Variants in CSPP1 observed in about 807,000 individuals in gnomAD.
CSPP1 encodes centrosome and spindle pole-associated protein 1.
Under a neutral mutation model 164.4 loss-of-function variants are expected in CSPP1, and 126 were observed. The observed-to-expected ratio is 0.77, with a 90% CI of 0.66 to 0.89. The LOEUF is 0.89. Ranked by LOEUF, CSPP1 falls within the 40% of genes least tolerant of loss-of-function variation. The pLI is 0.00. For missense variants in CSPP1, 1,395 were observed against 1,449.8 expected, an observed-to-expected ratio of 0.96 and a Z score of 0.61; for synonymous variants, 472 against 476.7, an observed-to-expected ratio of 0.99 and a Z score of 0.13.
intron 9 of CSPP1, among the ~76,000 whole-genome samples, chr8:67,111,651 T>G (rs946650240): frequency 2.0e-5 from 3 of 151,824 alleles, no homozygotes; most frequent in Admixed American, 2.0e-4. Context: ...GTAAGACTTA[T>G]GGAAGATATT....
chr8:67,190,062 CAATTTCATTTCTGGTTCTATA>C (rs1835792071), intron 28 of CSPP1, among the ~76,000 whole-genome samples: 3 of 152,160 alleles, frequency 2.0e-5, no homozygotes, highest in African/African-American at 7.2e-5. Flanking sequence ...TAATACCCAG[CAATTTCATTTCTGGTTCTATA>C]ACCCAAAGAA....
chr8:67,070,010 T>C (rs1260329615), intron 1 of CSPP1, among the ~76,000 whole-genome samples: 1 of 152,050 alleles, frequency 6.6e-6, no homozygotes, highest in Non-Finnish European at 1.5e-5. Flanking sequence ...TATAGCAAAA[T>C]ATATGCGTTA....
intron 19 of CSPP1, among the ~76,000 whole-genome samples, chr8:67,157,259 C>T (rs1379726448): frequency 6.6e-6 from 1 of 151,848 alleles, no homozygotes; most frequent in African/African-American, 2.4e-5. Flanking sequence ...GGAAAAAGCC[C>T]TAGTATATAA....
rs535211821 is a variant in CSPP1 at position 67,122,561 on chromosome 8, T to C, written c.1697+3740T>C. ...TTCCCAAATATCCTTCTGTTACTCA[T>C]GTCTAATATAATTACATTGCAGTAG... On this transcript the variant is annotated intron_variant, in intron 15 of 30. Transcript: ENST00000678616. Among the ~76,000 whole-genome samples the C allele has an allele frequency of 1.1e-4, 16 of 152,360 alleles. No individual in the cohort carries two copies. In the South Asian group the frequency reaches 3.3e-3, roughly 32 times the overall value.
chr8:67,064,664 G>T, intron 1 of CSPP1, 126 bp downstream of exon 1: 1 of 410,010 alleles, frequency 2.4e-6, no homozygotes, highest in South Asian at 3.0e-5. Flanking sequence ...CCGGCGACGT[G>T]CCAGAGTTAC....
chr8:67,094,083 G>A lies in CSPP1; in HGVS notation c.483+442G>A, dbSNP rs573522639. Among the ~76,000 whole-genome samples the A allele has an allele frequency of 5.6e-5, 6 of 108,054 alleles. No individual in the cohort carries two copies. In the East Asian group the frequency reaches 1.9e-3, roughly 35 times the overall value. The allele number at this position is 108,054 out of a possible 152,430, so 70.9% of individuals were successfully genotyped here. ...TGCAGTGAGCCAAGATTGCCTCACT[G>A]CACTCCAGCCTGGGTGACAGAGCGA... On this transcript the variant is annotated intron_variant, in intron 6 of 30. Coordinates refer to ENST00000678616, the MANE Select transcript of CSPP1 (RefSeq NM_001382391.1).
At position 67,113,827 on chromosome 8, in the gene CSPP1, G is replaced by GT; in HGVS notation, c.1212dup (p.Ala405CysfsTer9). Reference sequence around the variant, plus strand: ...TAGAGAAAAAGATTTAGAACTCAGGGTTGCAGCGTCTGGAGCACAAGACCC... The same window carrying GT: ...TAGAGAAAAAGATTTAGAACTCAGGGTTTGCAGCGTCTGGAGCACAAGACCC... On this transcript the variant is annotated frameshift_variant, in exon 11 of 31. Transcript: ENST00000678616. LOFTEE classifies it high-confidence loss of function. 1 of 1,589,046 alleles carries GT rather than the reference G, an allele frequency of 6.3e-7. No homozygotes were observed. The highest frequency in any genetic ancestry group is 1.3e-5 in the African/African-American group (1 of 74,326).
chr8:67,078,050 C>A (rs1044512979), intron 3 of CSPP1, among the ~76,000 whole-genome samples: 4 of 152,030 alleles, frequency 2.6e-5, no homozygotes, highest in Non-Finnish European at 4.4e-5. Flanking sequence ...TCCAGCCCTA[C>A]GTTTTTATGA....
chr8:67,156,841 C>A (rs2129559704), intron 19 of CSPP1, among the ~76,000 whole-genome samples: 1 of 152,228 alleles, frequency 6.6e-6, no homozygotes, highest in South Asian at 2.1e-4. Context: ...AAATAGTTAA[C>A]AAATAAAATA....
chr8:67,128,530 A>G (rs1820556371), intron 15 of CSPP1, among the ~76,000 whole-genome samples: 1 of 142,274 alleles, frequency 7.0e-6, no homozygotes, highest in Non-Finnish European at 1.5e-5. Context: ...CTAGAGTGAG[A>G]CTCCATCTCA....
chr8:67,152,767 ATAATGTT>A (rs1163542365), intron 18 of CSPP1, among the ~76,000 whole-genome samples: 1 of 152,262 alleles, frequency 6.6e-6, no homozygotes, highest in Non-Finnish European at 1.5e-5. Flanking sequence ...AAAAGTATTC[ATAATGTT>A]TAAGTATTGA....
In CSPP1 at chr8:67,118,150, G is replaced by C. The variant is rs1218068597; in HGVS notation, c.1497-98G>C. ...GGTGACATTTTCTAAAGTAGTGATA[G>C]GATTTTCAGTACTGTTTTTGCAAAA... On this transcript the variant is annotated intron_variant, in intron 13 of 30. Transcript: ENST00000678616. 4 of 1,264,518 alleles carry C rather than the reference G, an allele frequency of 3.2e-6. No individual in the cohort carries two copies. In the African/African-American group the frequency reaches 6.0e-5, roughly 19 times the overall value. 78.3% of individuals were successfully genotyped at this position (1,264,518 alleles called of 1,614,324 possible).
intron 28 of CSPP1, among the ~76,000 whole-genome samples, chr8:67,184,462 G>T (rs971009456): frequency 3.9e-5 from 6 of 152,274 alleles, no homozygotes; most frequent in African/African-American, 1.4e-4. Context: ...ATCTAGCTGG[G>T]CATGGTGGCT....
chr8:67,145,225 A>G lies in CSPP1; in HGVS notation c.1976-4558A>G, dbSNP rs191885533. 2.5e-3 allele frequency among the ~76,000 whole-genome samples: 377 copies of G among 152,042 alleles called. 2 individuals are homozygous for G. The highest frequency in any genetic ancestry group is 8.8e-3 in the African/African-American group (365 of 41,516). On this transcript the variant is annotated intron_variant, in intron 17 of 30. Transcript: ENST00000678616. ...ATCATTCAAGGAAATTATTCATTTT[A>G]TTTATTTATTTATTGGCATAATGTT...
At chr8:67,110,806 T>C (rs1384122908) in intron 9 of CSPP1, among the ~76,000 whole-genome samples, 1 of 152,180 alleles carries the variant, frequency 6.6e-6, no homozygotes, top group African/African-American at 2.4e-5. Context: ...TTGTCCAGTA[T>C]CTGGAAAACA....
In CSPP1 at chr8:67,190,378, A is replaced by G. The variant is rs78453711; in HGVS notation, c.3221-272A>G. 0.021 allele frequency among the ~76,000 whole-genome samples: 3,210 copies of G among 152,310 alleles called. 130 individuals are homozygous for G. The highest frequency in any genetic ancestry group is 0.073 in the African/African-American group (3,028 of 41,546). On this transcript the variant is annotated intron_variant, in intron 28 of 30. Transcript: ENST00000678616. ...TTAGGTAAGGTAAATCTGTTGAAAC[A>G]GAGCCGTGTTTGCCCGGGGCCAGCA...
chr8:67,167,726 A>G (rs1829700411), intron 24 of CSPP1, among the ~76,000 whole-genome samples: 1 of 149,458 alleles, frequency 6.7e-6, no homozygotes, highest in Non-Finnish European at 1.5e-5. Flanking sequence ...CGCTCCCCAC[A>G]TCTCAGACGA....
chr8:67,083,548 A>AAAAATATATAT (rs1332248754), intron 3 of CSPP1: 3 of 91,484 alleles, frequency 3.3e-5, no homozygotes, highest in South Asian at 3.6e-4. Context: ...AAAAAAAAAA[A>AAAAATATATAT]ATATATATAT....
At chr8:67,186,053 A>G (rs565089935) in intron 28 of CSPP1, among the ~76,000 whole-genome samples, 1 of 152,354 alleles carries the variant, frequency 6.6e-6, no homozygotes, top group African/African-American at 2.4e-5. Context: ...TTGCTTCTGG[A>G]TGATTGATCA....
Sources: allele counts gnomAD v4.1 joint callset (sites outside exome capture counted in the v4.1 genomes callset), GRCh38; gene constraint gnomAD v4.1.1; transcripts MANE v1.5; gene names NCBI Gene and HGNC (gene_info 2026-07-23, HGNC 2026-07-21).